RALGPS2: variants seen among roughly 807,000 people sequenced by gnomAD.
RALGPS2 encodes Ral GEF with PH domain and SH3 binding motif 2.
RALGPS2 carries 43 observed loss-of-function variants against 86.8 expected under a neutral mutation model. That is an observed-to-expected ratio of 0.50 (90% confidence interval 0.39 to 0.64). The LOEUF is 0.64. RALGPS2 is among the 30% of genes least tolerant of loss of function. The pLI, the probability that RALGPS2 is intolerant of heterozygous loss-of-function variation, is 0.00. For synonymous variants in RALGPS2, 243 were observed against 231.3 expected (o/e 1.05, Z -0.46); for missense variants, 536 against 694.6 (o/e 0.77, Z 2.57).
rs556126873 is a variant in RALGPS2, at chr1:178,812,558, G to A, written c.387+1154G>A. Among the ~76,000 whole-genome samples the A allele has an allele frequency of 9.1e-4, 139 of 152,256 alleles. 1 individual carries two copies. Among genetic ancestry groups the A allele is most frequent in the African/African-American group, 3.1e-3 (129 of 41,550 alleles). On this transcript the variant is annotated intron_variant, in intron 6 of 19. Transcript: ENST00000367635. ...CAGCTTTTCAGGGCTATATCTGTCC[G>A]TAGGCCCTCTGAATAGCTATCTCAA...
intron 7 of RALGPS2, among the ~76,000 whole-genome samples, chr1:178,830,208 G>C (rs554348449): frequency 1.3e-5 from 2 of 152,130 alleles, no homozygotes; most frequent in Non-Finnish European, 2.9e-5. Flanking sequence ...AAATTTGTCA[G>C]TTATACCCCA....
At chr1:178,772,832 C>CT (rs1277956540) in intron 1 of RALGPS2, among the ~76,000 whole-genome samples, 1 of 152,184 alleles carries the variant, frequency 6.6e-6, no homozygotes, top group Non-Finnish European at 1.5e-5. Context: ...GAGGCGGAGT[C>CT]TCGCTGTCTC....
intron 6 of RALGPS2, among the ~76,000 whole-genome samples, chr1:178,812,719 A>T (rs1655041129): frequency 6.6e-6 from 1 of 152,168 alleles, no homozygotes; most frequent in Non-Finnish European, 1.5e-5. Context: ...CTCACATGTG[A>T]ATGAAAGAAG....
chr1:178,899,053 A>G (rs1005942697), intron 17 of RALGPS2, among the ~76,000 whole-genome samples: 1 of 151,952 alleles, frequency 6.6e-6, no homozygotes, highest in Non-Finnish European at 1.5e-5. Flanking sequence ...TTAGCTGACT[A>G]TTGTAGAAAA....
intron 8 of RALGPS2, among the ~76,000 whole-genome samples, chr1:178,840,043 A>T (rs1281265523): frequency 6.6e-6 from 1 of 152,136 alleles, no homozygotes; most frequent in Non-Finnish European, 1.5e-5. Flanking sequence ...CTCCCACACA[A>T]TAATAATGGG....
At chr1:178,905,978 A>T (rs569234192) in intron 18 of RALGPS2, among the ~76,000 whole-genome samples, 1 of 152,254 alleles carries the variant, frequency 6.6e-6, no homozygotes, top group South Asian at 2.1e-4. Context: ...AGCATAGTCT[A>T]TCAATGTTAT....
At chr1:178,902,235 C>T in intron 18 of RALGPS2, 24 bp downstream of exon 18, 1 of 1,524,034 alleles carries the variant, frequency 6.6e-7, no homozygotes, top group Non-Finnish European at 9.1e-7. Flanking sequence ...ATAACTGGGG[C>T]TTACGATACT....
At chr1:178,851,783 G>A (rs545896829) in intron 8 of RALGPS2, among the ~76,000 whole-genome samples, 22 of 152,158 alleles carry the variant, frequency 1.4e-4, no homozygotes, top group Admixed American at 3.9e-4. Flanking sequence ...CTCTTTTCTC[G>A]TTTACCAGTG....
At chr1:178,888,648 C>G (rs919457826) in intron 13 of RALGPS2, among the ~76,000 whole-genome samples, 37 of 152,178 alleles carry the variant, frequency 2.4e-4, no homozygotes, top group African/African-American at 8.9e-4. Context: ...CGGGTTACCT[C>G]TGGTTCTTCT....
chr1:178,883,857 C>T (rs1015278457), intron 11 of RALGPS2, among the ~76,000 whole-genome samples: 6 of 151,968 alleles, frequency 3.9e-5, no homozygotes, highest in African/African-American at 1.2e-4. Flanking sequence ...GGTGTGGTGG[C>T]GGGCACCTAT....
intron 16 of RALGPS2, among the ~76,000 whole-genome samples, chr1:178,894,973 T>A (rs2102394842): frequency 6.6e-6 from 1 of 152,184 alleles, no homozygotes; most frequent in Non-Finnish European, 1.5e-5. Flanking sequence ...TGATTGTGTT[T>A]TATCATTTTA....
At position 178,917,377 on chromosome 1, in the gene RALGPS2, G is replaced by A. The variant is rs895060784; in HGVS notation, c.*1018G>A. 1 of 152,096 alleles carries A rather than the reference G, an allele frequency of 6.6e-6. No individual in the cohort carries two copies. Among genetic ancestry groups the A allele is most frequent in the African/African-American group, 2.4e-5 (1 of 41,410 alleles). The allele number at this position is 152,096 out of a possible 1,614,324, so 9.4% of individuals were successfully genotyped here. ...AGTGTTTGATGTGCATAATGCCAGA[G>A]TTATTTTTTTATTATTCATTTTCTC... On this transcript the variant is annotated 3_prime_UTR_variant, in exon 20 of 20. Transcript: ENST00000367635.
intron 17 of RALGPS2, 105 bp from the exon 18 acceptor site, chr1:178,902,001 T>C (rs1660197394): frequency 1.3e-6 from 1 of 791,060 alleles, no homozygotes; most frequent in Non-Finnish European, 2.1e-6. Flanking sequence ...GTCACAAATC[T>C]CATCTTTCAT....
intron 7 of RALGPS2, among the ~76,000 whole-genome samples, chr1:178,827,686 C>T (rs529756041): frequency 4.6e-5 from 7 of 152,218 alleles, no homozygotes; most frequent in South Asian, 4.1e-4. Context: ...TGAGCCACCG[C>T]GCCCGGCCCA....
intron 8 of RALGPS2, among the ~76,000 whole-genome samples, chr1:178,840,345 A>G (rs1656530617): frequency 6.6e-6 from 1 of 152,214 alleles, no homozygotes; most frequent in African/African-American, 2.4e-5. Flanking sequence ...GGATTAAGAA[A>G]CTCACTCAAA....
intron 9 of RALGPS2, 21 bp from the exon 10 acceptor site, chr1:178,878,881 T>G (rs781159693): frequency 1.2e-6 from 2 of 1,609,574 alleles, no homozygotes; most frequent in Admixed American, 3.4e-5. Context: ...ATCAGATAAT[T>G]ATTTATCACC....
chr1:178,736,536 TTTCTC>T (rs1558094647), intron 1 of RALGPS2, among the ~76,000 whole-genome samples: 1 of 152,186 alleles, frequency 6.6e-6, no homozygotes, highest in Non-Finnish European at 1.5e-5. Context: ...TTTCTCCAAT[TTTCTC>T]TTCACATCCT....
intron 8 of RALGPS2, among the ~76,000 whole-genome samples, chr1:178,857,128 G>A (rs1657641195): frequency 6.6e-6 from 1 of 152,188 alleles, no homozygotes; most frequent in Admixed American, 6.5e-5. Flanking sequence ...TTATGTGGGA[G>A]TGAGATGGAA....
At chr1:178,817,102 A>G (rs1054450533) in intron 6 of RALGPS2, among the ~76,000 whole-genome samples, 1 of 151,772 alleles carries the variant, frequency 6.6e-6, no homozygotes, top group Non-Finnish European at 1.5e-5. Context: ...GCTCACACCT[A>G]TAATCCTAGC....
Sources: gnomAD v4.1 joint callset for allele counts (sites outside exome capture counted in the v4.1 genomes callset) on GRCh38, gnomAD v4.1.1 for gene constraint, MANE v1.5 for transcripts, NCBI Gene and HGNC (gene_info 2026-07-23, HGNC 2026-07-21) for gene names.